The following SLC35F3 variants were observed in gnomAD, a reference collection of about 807,000 sequenced individuals.
SLC35F3 encodes solute carrier family 35 member F3, also known as putative thiamine transporter SLC35F3.
In SLC35F3, 25 loss-of-function variants were observed where a neutral mutation model predicts 49.9. That is an observed-to-expected ratio of 0.50 (90% CI 0.37 to 0.70). SLC35F3 has a LOEUF of 0.70. Among genes scored for constraint, SLC35F3 ranks in the 30% least tolerant of loss-of-function variants. The probability of loss-of-function intolerance (pLI) is 0.00; values close to 1 mark genes in which losing one functional copy is unlikely to be tolerated. For missense variants in SLC35F3, 525 were observed against 639.8 expected (o/e 0.82, Z 1.94); for synonymous variants, 275 against 265.4 (o/e 1.04, Z -0.35).
intron 2 of SLC35F3, among the ~76,000 whole-genome samples, chr1:234,110,179 T>G (rs2102887425): frequency 6.6e-6 from 1 of 152,286 alleles, no homozygotes; most frequent in South Asian, 2.1e-4. Context: ...CATCAGTTTG[T>G]AGGTTGAATA....
At chr1:234,247,213 G>T (rs1245708264) in intron 3 of SLC35F3, among the ~76,000 whole-genome samples, 1 of 152,260 alleles carries the variant, frequency 6.6e-6, no homozygotes, top group Non-Finnish European at 1.5e-5. Flanking sequence ...GTGGAATTAT[G>T]TGAATGCATG....
intron 2 of SLC35F3, among the ~76,000 whole-genome samples, chr1:234,143,446 G>T (rs983707556): frequency 7.2e-5 from 11 of 151,848 alleles, no homozygotes; most frequent in African/African-American, 2.7e-4. Context: ...ACACCATCAT[G>T]CCCGGCTAAT....
At chr1:234,085,443 G>A (rs948262076) in intron 2 of SLC35F3, among the ~76,000 whole-genome samples, 1 of 152,162 alleles carries the variant, frequency 6.6e-6, no homozygotes, top group African/African-American at 2.4e-5. Context: ...GCCAGATTTG[G>A]AGATAAGTAT....
chr1:234,179,187 C>T (rs921257886), intron 2 of SLC35F3, among the ~76,000 whole-genome samples: 1 of 152,118 alleles, frequency 6.6e-6, no homozygotes, highest in Non-Finnish European at 1.5e-5. Flanking sequence ...TAGAATAGAA[C>T]TCCTACGCCG....
intron 2 of SLC35F3, among the ~76,000 whole-genome samples, chr1:234,108,690 A>G (rs1421404134): frequency 1.6e-5 from 2 of 122,708 alleles, no homozygotes; most frequent in African/African-American, 6.1e-5. Context: ...ATTTTTATAT[A>G]TAAAATATAT....
intron 2 of SLC35F3, among the ~76,000 whole-genome samples, chr1:233,977,077 G>A (rs963017080): frequency 1.3e-5 from 2 of 152,170 alleles, no homozygotes; most frequent in African/African-American, 4.8e-5. Flanking sequence ...GTCACCTGGT[G>A]AAAGGGGCTC....
intron 7 of SLC35F3, 27 bp from the exon 8 acceptor site, chr1:234,322,981 G>A: frequency 1.9e-6 from 3 of 1,606,122 alleles, no homozygotes; most frequent in Non-Finnish European, 8.5e-7. Context: ...CTGCAGCTGA[G>A]AAACCTCCAT....
intron 3 of SLC35F3, among the ~76,000 whole-genome samples, chr1:234,256,180 A>T (rs1165509540): frequency 6.6e-6 from 1 of 152,212 alleles, no homozygotes; most frequent in Admixed American, 6.5e-5. Context: ...TGAATCTAAA[A>T]ATGGTGAAAA....
chr1:234,137,449 G>A (rs1246576088), intron 2 of SLC35F3, among the ~76,000 whole-genome samples: 2 of 152,206 alleles, frequency 1.3e-5, no homozygotes, highest in African/African-American at 4.8e-5. Context: ...ATCATGGGAA[G>A]AGCACATAGA....
intron 4 of SLC35F3, 45 bp downstream of exon 4, chr1:234,309,365 A>G (rs776749611): frequency 6.4e-7 from 1 of 1,562,988 alleles, no homozygotes; most frequent in Non-Finnish European, 8.8e-7. Flanking sequence ...CAGTCATGTC[A>G]ACCAAAACCT....
At chr1:233,989,961 TA>T (rs1572010739) in intron 2 of SLC35F3, among the ~76,000 whole-genome samples, 1 of 152,184 alleles carries the variant, frequency 6.6e-6, no homozygotes, top group Non-Finnish European at 1.5e-5. Flanking sequence ...TGTCTTTGTA[TA>T]GAATATTTTT....
chr1:234,226,289 T>C (rs964698931), intron 2 of SLC35F3, among the ~76,000 whole-genome samples: 2 of 152,144 alleles, frequency 1.3e-5, no homozygotes, highest in African/African-American at 4.8e-5. Flanking sequence ...TTGAAAGGCT[T>C]GAGTCACACC....
intron 2 of SLC35F3, among the ~76,000 whole-genome samples, chr1:234,055,257 A>G (rs1664440292): frequency 6.6e-6 from 1 of 152,124 alleles, no homozygotes; most frequent in African/African-American, 2.4e-5. Flanking sequence ...CAGAGTCTAT[A>G]GAGTCTACAG....
chr1:233,947,733 C>T (rs1388708312), intron 2 of SLC35F3, among the ~76,000 whole-genome samples: 1 of 148,444 alleles, frequency 6.7e-6, no homozygotes, highest in Non-Finnish European at 1.5e-5. Context: ...TCCATACTCC[C>T]TGGGACAGTA....
Position 234,320,121 on chromosome 1 carries a change from G to C in SLC35F3, c.1171G>C (p.Gly391Arg), listed in dbSNP as rs1223407677. The C allele has an allele frequency of 6.2e-7, 1 of 1,611,898 alleles. No individual in the cohort carries two copies. Among genetic ancestry groups the C allele is most frequent in the South Asian group, 1.1e-5 (1 of 91,020 alleles). ...LLTFNIVLNF[G>R]IAVTYPTLMS... ...AGCATTCAATATTGTATTAAATTTTGGAATTGCCGTTACATATCCCACTCT... is the reference window on the plus strand; with the variant it reads ...AGCATTCAATATTGTATTAAATTTTCGAATTGCCGTTACATATCCCACTCT... The change falls in exon 7 of 8, where the codon GGA becomes CGA. Residue 391 changes from glycine to arginine, a missense_variant. By Grantham distance (125) the Gly-to-Arg change is moderately radical (BLOSUM62 -2). This residue lies in a region of SLC35F3 where 216 missense variants were observed against 298.1 expected (regional missense o/e 0.72). Transcript: ENST00000366618. The surrounding 1 kb of genome is among the most constrained non-coding windows in gnomAD (Gnocchi z 4.8).
chr1:234,003,374 A>G (rs1265260017), intron 2 of SLC35F3, among the ~76,000 whole-genome samples: 1 of 152,184 alleles, frequency 6.6e-6, no homozygotes, highest in Non-Finnish European at 1.5e-5. Context: ...ATGTTTCACT[A>G]TCAGAGACAA....
chr1:234,078,849 G>T (rs1664835259), intron 2 of SLC35F3, among the ~76,000 whole-genome samples: 1 of 152,170 alleles, frequency 6.6e-6, no homozygotes, highest in Admixed American at 6.5e-5. Flanking sequence ...GACCTTGCAG[G>T]TCAGAACTGA....
In SLC35F3 at chr1:234,059,600, G is replaced by GACATAGACT. The variant is rs1664507985; in HGVS notation, c.283+153843_283+153844insCATAGACTA. On this transcript the variant is annotated intron_variant, in intron 2 of 7. Transcript: ENST00000366618. The stretch of plus-strand genomic sequence containing the variant: ...AGAGATAGAGCTAGAGCTAGAGCTA[G>GACATAGACT]AGACATAGACATAGACTAGACATAG... Among the ~76,000 whole-genome samples the GACATAGACT allele has an allele frequency of 1.1e-4, 17 of 148,834 alleles. No individual in the cohort carries two copies. The South Asian group carries it at 3.5e-3, about 31-fold the overall frequency.
chr1:234,089,598 C>T (rs527373561), intron 2 of SLC35F3, among the ~76,000 whole-genome samples: 7 of 152,286 alleles, frequency 4.6e-5, no homozygotes, highest in African/African-American at 1.7e-4. Context: ...GGACAGAAAG[C>T]ACATGAGCAG....
Sources: gnomAD v4.1 joint callset for allele counts (sites outside exome capture counted in the v4.1 genomes callset) on GRCh38, gnomAD v4.1.1 for gene constraint, gnomAD v4.1.1 regional missense constraint, Gnocchi (gnomAD v3.1) non-coding constraint, MANE v1.5 for transcripts, NCBI Gene and HGNC (gene_info 2026-07-23, HGNC 2026-07-21) for gene names.